Variants in CDK8 observed in about 807,000 individuals in gnomAD.
CDK8 encodes cyclin dependent kinase 8, also known as cyclin-dependent kinase 8.
A neutral mutation model predicts 71.5 loss-of-function variants in CDK8; 29 were observed. The ratio of observed to expected loss-of-function variants is 0.41; its 90% CI spans 0.30 to 0.55. The LOEUF is 0.55. Among genes scored for constraint, CDK8 ranks in the 20% least tolerant of loss-of-function variants. CDK8 has a pLI of 0.37. For synonymous variants in CDK8, 161 were observed against 192.1 expected (o/e 0.84, Z 1.34); for missense variants, 288 against 572.6 (o/e 0.50, Z 5.07).
At chr13:26,263,483 C>A (rs1457296384) in intron 1 of CDK8, among the ~76,000 whole-genome samples, 4 of 150,926 alleles carry the variant, frequency 2.7e-5, no homozygotes, top group African/African-American at 9.8e-5. Context: ...CTCTTGTTGC[C>A]CACGCTAGGG....
intron 1 of CDK8, among the ~76,000 whole-genome samples, chr13:26,307,328 G>A (rs1246369032): frequency 6.6e-6 from 1 of 152,294 alleles, no homozygotes; most frequent in African/African-American, 2.4e-5. Context: ...AGAAGAGGGA[G>A]ATAGAAAAGT....
rs1354718422 is a variant in CDK8, at chr13:26,254,261, T to G, written c.-381T>G. 1 of 279,794 alleles carries G rather than the reference T, an allele frequency of 3.6e-6. No individual in the cohort carries two copies. Among genetic ancestry groups the G allele is most frequent in the African/African-American group, 2.2e-5 (1 of 45,358 alleles). The allele number at this position is 279,794 out of a possible 1,614,324, so 17.3% of individuals were successfully genotyped here. ...GCGTGTGAGAGGACGAGAGCCCGCC[T>G]GGCCGCCCCGCCGCTCCCGCCGCAG... On this transcript the variant is annotated 5_prime_UTR_variant, in exon 1 of 13. Coordinates refer to ENST00000381527, the MANE Select transcript of CDK8 (RefSeq NM_001260.3). This position sits in a 1 kb window ranked among gnomAD's most constrained non-coding sequence, Gnocchi z 6.7.
intron 4 of CDK8, among the ~76,000 whole-genome samples, chr13:26,371,386 A>G (rs1181619341): frequency 6.6e-6 from 1 of 152,136 alleles, no homozygotes; most frequent in Non-Finnish European, 1.5e-5. Context: ...TCTTCTGAAG[A>G]AGTTCATCAT....
rs76176783 is a variant in CDK8, at chr13:26,378,966, C to T, written c.457-3848C>T. Among the ~76,000 whole-genome samples, 646 of 152,296 alleles carry T rather than the reference C, an allele frequency of 4.2e-3. 4 individuals are homozygous for T. The highest frequency in any genetic ancestry group is 7.9e-3 in the East Asian group (41 of 5,186). On this transcript the variant is annotated intron_variant, in intron 4 of 12. Transcript: ENST00000381527. ...AAGTCTTTTGAAGTCTTCCTTAATACTGATTAAACAACAAAACAGAACCCA... is the reference window on the plus strand; with the variant it reads ...AAGTCTTTTGAAGTCTTCCTTAATATTGATTAAACAACAAAACAGAACCCA...
At chr13:26,376,828 A>G (rs1207180247) in intron 4 of CDK8, among the ~76,000 whole-genome samples, 3 of 152,224 alleles carry the variant, frequency 2.0e-5, no homozygotes, top group African/African-American at 7.2e-5. Flanking sequence ...TTTTAAGGAT[A>G]CTAATTTAAA....
chr13:26,324,402 G>C (rs926148900), intron 1 of CDK8, among the ~76,000 whole-genome samples: 2 of 152,092 alleles, frequency 1.3e-5, no homozygotes, highest in Non-Finnish European at 2.9e-5. Context: ...TTAGAAAGTC[G>C]ATTAAGGAGA....
chr13:26,400,619 A>G, intron 10 of CDK8, 69 bp downstream of exon 10: 1 of 930,854 alleles, frequency 1.1e-6, no homozygotes, highest in Non-Finnish European at 1.8e-6. Context: ...TCTGCTTGTC[A>G]GCTCTTAAGT....
intron 1 of CDK8, among the ~76,000 whole-genome samples, chr13:26,335,215 A>G (rs1039385792): frequency 2.0e-5 from 3 of 152,130 alleles, no homozygotes; most frequent in African/African-American, 7.2e-5. Flanking sequence ...TTCACCCCTC[A>G]GCCTTCTGCA....
intron 1 of CDK8, among the ~76,000 whole-genome samples, chr13:26,294,853 G>A (rs1373331786): frequency 6.6e-6 from 1 of 151,838 alleles, no homozygotes; most frequent in Non-Finnish European, 1.5e-5. Flanking sequence ...GGGTTCAAGC[G>A]ATTACCCCGC....
Position 26,300,330 on chromosome 13 carries a change from G to A in CDK8, c.129-37237G>A, listed in dbSNP as rs149769866. Among the ~76,000 whole-genome samples, 519 of 152,264 alleles carry A rather than the reference G, an allele frequency of 3.4e-3. 5 individuals carry two copies. In the Middle Eastern group the frequency reaches 0.041, roughly 12 times the overall value. ...CTAATGGGTGAGTAGAGTATGCAGCGTGGGTGGGCTGGACGAAGGGATGAG... is the reference window on the plus strand; with the variant it reads ...CTAATGGGTGAGTAGAGTATGCAGCATGGGTGGGCTGGACGAAGGGATGAG... On this transcript the variant is annotated intron_variant, in intron 1 of 12. Transcript: ENST00000381527.
chr13:26,293,620 AAAAAT>A, intron 1 of CDK8, among the ~76,000 whole-genome samples: 1 of 150,486 alleles, frequency 6.6e-6, no homozygotes, highest in Admixed American at 6.7e-5. Flanking sequence ...AAAAAAAAAA[AAAAAT>A]TTGTATATAT....
At chr13:26,323,373 G>A (rs1874880857) in intron 1 of CDK8, among the ~76,000 whole-genome samples, 1 of 78,086 alleles carries the variant, frequency 1.3e-5, no homozygotes, top group East Asian at 4.7e-4. Context: ...GGGAGAGGGA[G>A]AGGGAACAAG....
chr13:26,327,643 A>C (rs926313422), intron 1 of CDK8, among the ~76,000 whole-genome samples: 1 of 152,186 alleles, frequency 6.6e-6, no homozygotes, highest in Non-Finnish European at 1.5e-5. Flanking sequence ...AGCCTGGACA[A>C]CATGGTTAAA....
chr13:26,313,881 G>A (rs543800451), intron 1 of CDK8, among the ~76,000 whole-genome samples: 6 of 152,274 alleles, frequency 3.9e-5, no homozygotes, highest in Admixed American at 2.0e-4. Context: ...TGATAGAACT[G>A]AATAGATAGA....
At chr13:26,366,865 T>A (rs925716954) in intron 4 of CDK8, among the ~76,000 whole-genome samples, 1 of 152,216 alleles carries the variant, frequency 6.6e-6, no homozygotes, top group Non-Finnish European at 1.5e-5. Flanking sequence ...TGAAATAAGA[T>A]CATTTTTTGT....
At chr13:26,383,355 C>T (rs1479987047) in intron 5 of CDK8, among the ~76,000 whole-genome samples, 1 of 152,222 alleles carries the variant, frequency 6.6e-6, no homozygotes, top group East Asian at 1.9e-4. Flanking sequence ...TCTAACAAGA[C>T]TGTCTCGTAG....
At chr13:26,367,347 G>A (rs1874438195) in intron 4 of CDK8, among the ~76,000 whole-genome samples, 1 of 152,016 alleles carries the variant, frequency 6.6e-6, no homozygotes, top group Non-Finnish European at 1.5e-5. Context: ...CACATGGTAG[G>A]AAGCGATAGA....
intron 1 of CDK8, among the ~76,000 whole-genome samples, chr13:26,322,973 G>T (rs1874849556): frequency 6.6e-6 from 1 of 151,998 alleles, no homozygotes. Flanking sequence ...TATTTAGATA[G>T]CGGTAGTTCC....
At chr13:26,367,810 G>T (rs1329482198) in intron 4 of CDK8, among the ~76,000 whole-genome samples, 6 of 152,122 alleles carry the variant, frequency 3.9e-5, no homozygotes, top group African/African-American at 1.4e-4. Flanking sequence ...GCTATAGTGA[G>T]ACCTTATTGG....
Sources: allele counts gnomAD v4.1 joint callset (sites outside exome capture counted in the v4.1 genomes callset), GRCh38; gene constraint gnomAD v4.1.1; non-coding constraint Gnocchi (gnomAD v3.1); transcripts MANE v1.5; gene names NCBI Gene and HGNC (gene_info 2026-07-23, HGNC 2026-07-21).